NKAIN2: variants seen among roughly 807,000 people sequenced by gnomAD.
NKAIN2 encodes sodium/potassium transporting ATPase interacting 2.
A neutral mutation model predicts 32.6 loss-of-function variants in NKAIN2; 14 were observed. The observed-to-expected ratio is 0.43, with a 90% confidence interval of 0.28 to 0.67. NKAIN2 has a LOEUF of 0.67. Among genes scored for constraint, NKAIN2 ranks in the 30% least tolerant of loss-of-function variants. The pLI is 0.17. For missense variants in NKAIN2, 198 were observed against 258.3 expected (o/e 0.77, Z 1.60); for synonymous variants, 80 against 87.2 (o/e 0.92, Z 0.46).
chr6:123,975,789 GC>G (rs1182213971), intron 1 of NKAIN2, among the ~76,000 whole-genome samples: 3 of 151,890 alleles, frequency 2.0e-5, no homozygotes, highest in Non-Finnish European at 4.4e-5. Context: ...CCTCCCAAAG[GC>G]CCTACCTCCT....
At chr6:123,941,401 G>A (rs1213856088) in intron 1 of NKAIN2, among the ~76,000 whole-genome samples, 4 of 151,534 alleles carry the variant, frequency 2.6e-5, no homozygotes, top group African/African-American at 9.7e-5. Context: ...GTACATAATT[G>A]TATTTGTTGT....
intron 1 of NKAIN2, among the ~76,000 whole-genome samples, chr6:123,837,874 A>G (rs1468829644): frequency 6.6e-6 from 1 of 152,172 alleles, no homozygotes; most frequent in Non-Finnish European, 1.5e-5. Flanking sequence ...ATTATTTCCA[A>G]GATGTCCTTG....
chr6:124,094,749 C>A (rs1010415691), intron 1 of NKAIN2, among the ~76,000 whole-genome samples: 1 of 152,056 alleles, frequency 6.6e-6, no homozygotes, highest in Non-Finnish European at 1.5e-5. Context: ...CAGTTAAGGG[C>A]GCAATTTCTA....
intron 1 of NKAIN2, among the ~76,000 whole-genome samples, chr6:123,859,711 A>G (rs1217168153): frequency 1.3e-5 from 2 of 152,002 alleles, no homozygotes; most frequent in African/African-American, 4.8e-5. Context: ...TGTTTTTGAG[A>G]TGGAGTCTCG....
intron 1 of NKAIN2, among the ~76,000 whole-genome samples, chr6:124,123,591 A>G (rs765617438): frequency 7.9e-5 from 12 of 152,140 alleles, no homozygotes; most frequent in Non-Finnish European, 1.5e-4. Context: ...AGAGATTTGT[A>G]TCAGTCATCT....
intron 1 of NKAIN2, among the ~76,000 whole-genome samples, chr6:124,257,398 TA>T (rs1406445240): frequency 6.6e-6 from 1 of 152,184 alleles, no homozygotes; most frequent in Non-Finnish European, 1.5e-5. Flanking sequence ...GAGCTCAGAG[TA>T]TGAAATTCAT....
chr6:124,590,072 C>A (rs1781853831), intron 3 of NKAIN2, among the ~76,000 whole-genome samples: 1 of 152,168 alleles, frequency 6.6e-6, no homozygotes, highest in Non-Finnish European at 1.5e-5. Flanking sequence ...CCTGTCCATT[C>A]CTTTCTATTG....
At chr6:123,929,873 A>G (rs1445731726) in intron 1 of NKAIN2, among the ~76,000 whole-genome samples, 1 of 152,076 alleles carries the variant, frequency 6.6e-6, no homozygotes, top group Non-Finnish European at 1.5e-5. Flanking sequence ...TCCAATGAGC[A>G]TTTCCTTTGA....
chr6:124,092,428 A>G (rs1784471323), intron 1 of NKAIN2, among the ~76,000 whole-genome samples: 1 of 152,066 alleles, frequency 6.6e-6, no homozygotes, highest in African/African-American at 2.4e-5. Flanking sequence ...GATTCTTATG[A>G]TTTCCCATCT....
At chr6:124,127,779 A>G (rs1391614436) in intron 1 of NKAIN2, among the ~76,000 whole-genome samples, 2 of 152,004 alleles carry the variant, frequency 1.3e-5, no homozygotes, top group Non-Finnish European at 2.9e-5. Context: ...TCAAGGTATC[A>G]GGAGGAGACA....
At chr6:124,725,949 C>A (rs1013141245) in intron 4 of NKAIN2, among the ~76,000 whole-genome samples, 5 of 152,236 alleles carry the variant, frequency 3.3e-5, no homozygotes, top group Non-Finnish European at 7.3e-5. Flanking sequence ...GGGTGACGGA[C>A]GGCACCTTGA....
intron 4 of NKAIN2, among the ~76,000 whole-genome samples, chr6:124,677,290 T>C (rs538972938): frequency 6.6e-6 from 1 of 152,274 alleles, no homozygotes; most frequent in South Asian, 2.1e-4. Flanking sequence ...TTTTATTCAT[T>C]CAGTCATTTC....
At chr6:124,821,543 GAT>G (rs1198703133) in intron 6 of NKAIN2, among the ~76,000 whole-genome samples, 2 of 151,994 alleles carry the variant, frequency 1.3e-5, no homozygotes, top group Admixed American at 6.6e-5. Context: ...ACTCTACAAA[GAT>G]AGATATCTTT....
chr6:124,135,169 C>T (rs1786680182), intron 1 of NKAIN2, among the ~76,000 whole-genome samples: 1 of 151,894 alleles, frequency 6.6e-6, no homozygotes, highest in Non-Finnish European at 1.5e-5. Flanking sequence ...CAAAATGAAC[C>T]TCCTTGAACC....
rs1781494698 is a variant in NKAIN2 at position 124,823,969 on chromosome 6, A to T, written c.*740A>T. ...CTGTATAAGAAAAGTGCCAGCTGTC[A>T]GCAAAGTGCTTTACCATAGAGCCTC... On this transcript the variant is annotated 3_prime_UTR_variant, in exon 7 of 7. Transcript: ENST00000368417. The T allele has an allele frequency of 6.6e-6, 1 of 152,334 alleles. No individual in the cohort carries two copies. Among genetic ancestry groups the T allele is most frequent in the African/African-American group, 2.4e-5 (1 of 41,584 alleles). 9.4% of individuals were successfully genotyped at this position (152,334 alleles called of 1,614,324 possible). A position where few individuals can be genotyped will look rare whatever the true frequency, so the allele number is the denominator to read the frequency against.
intron 1 of NKAIN2, among the ~76,000 whole-genome samples, chr6:124,072,603 C>T (rs2114883880): frequency 6.6e-6 from 1 of 152,270 alleles, no homozygotes; most frequent in South Asian, 2.1e-4. Flanking sequence ...TCCATCTGCC[C>T]CTTATGCCAG....
At chr6:124,149,140 TA>T (rs112724717) in intron 1 of NKAIN2, among the ~76,000 whole-genome samples, 5,615 of 148,748 alleles carry the variant, frequency 0.038, 278 homozygotes, top group African/African-American at 0.12. Context: ...TTTTCCCACT[TA>T]AAAAAAAAAG....
At chr6:124,211,700 T>C (rs889383399) in intron 1 of NKAIN2, among the ~76,000 whole-genome samples, 1 of 152,062 alleles carries the variant, frequency 6.6e-6, no homozygotes, top group East Asian at 1.9e-4. Flanking sequence ...AATGTAGATA[T>C]ATAATCTGAT....
At chr6:124,536,794 C>A (rs1345544011) in intron 3 of NKAIN2, among the ~76,000 whole-genome samples, 1 of 152,144 alleles carries the variant, frequency 6.6e-6, no homozygotes, top group Admixed American at 6.5e-5. Flanking sequence ...CTAAGAAATG[C>A]CTTCCATTCT....
Sources: allele counts gnomAD v4.1 joint callset (sites outside exome capture counted in the v4.1 genomes callset), GRCh38; gene constraint gnomAD v4.1.1; transcripts MANE v1.5; gene names NCBI Gene and HGNC (gene_info 2026-07-23, HGNC 2026-07-21).